The following UPP2 variants were observed in gnomAD, a reference collection of about 807,000 sequenced individuals.
The protein encoded by UPP2 is uridine phosphorylase 2, also known as UPase 2.
UPP2 carries 23 observed loss-of-function variants against 26.7 expected under a neutral mutation model. That is an observed-to-expected ratio of 0.86 (90% CI 0.62 to 1.22). UPP2 has a LOEUF of 1.22. Ranked by LOEUF, UPP2 falls within the 50% of genes most tolerant of loss-of-function variation. The probability of loss-of-function intolerance (pLI) is 0.00; values close to 1 mark genes in which losing one functional copy is unlikely to be tolerated. For synonymous variants in UPP2, 127 were observed against 141.3 expected, an observed-to-expected ratio of 0.90 and a Z score of 0.72; for missense variants, 387 against 396.7, an observed-to-expected ratio of 0.98 and a Z score of 0.21.
chr2:158,060,297 G>T (rs1179266382), intron 3 of UPP2, among the ~76,000 whole-genome samples: 5 of 152,138 alleles, frequency 3.3e-5, no homozygotes, highest in Admixed American at 1.3e-4. Context: ...CTCTACAATA[G>T]GTCTAGTAAT....
chr2:158,023,908 C>G (rs561124873), intron 3 of UPP2, among the ~76,000 whole-genome samples: 3 of 152,300 alleles, frequency 2.0e-5, no homozygotes, highest in African/African-American at 7.2e-5. Flanking sequence ...CTTGAGCTCT[C>G]TTCAGCTCTG....
chr2:158,011,311 G>A (rs572537177), intron 2 of UPP2, among the ~76,000 whole-genome samples: 5 of 152,310 alleles, frequency 3.3e-5, no homozygotes, highest in African/African-American at 1.2e-4. Flanking sequence ...CTGACACAGG[G>A]TTCTGAATGC....
At chr2:158,079,125 T>C (rs1405897506) in intron 3 of UPP2, among the ~76,000 whole-genome samples, 6 of 152,238 alleles carry the variant, frequency 3.9e-5, no homozygotes, top group African/African-American at 1.4e-4. Context: ...GCCATGATTG[T>C]AAGTTTCCTG....
chr2:158,035,604 C>T lies in UPP2; in HGVS notation c.147+19718C>T, dbSNP rs544835648. 3.9e-5 allele frequency among the ~76,000 whole-genome samples: 6 copies of T among 152,270 alleles called. No individual in the cohort carries two copies. In the East Asian group the frequency reaches 5.8e-4, roughly 15 times the overall value. The stretch of plus-strand genomic sequence containing the variant: ...AATTGGGCACCATACCCTACTACTG[C>T]GGCATGGGCTTGTAACCTGAGCTGG... On this transcript the variant is annotated intron_variant, in intron 3 of 9. Coordinates refer to the UPP2 transcript ENST00000605860.
chr2:158,104,961 G>GGAAGGGAAGGGAAGGGAAGA (rs1558932093), intron 1 of UPP2, among the ~76,000 whole-genome samples: 3 of 75,894 alleles, frequency 4.0e-5, no homozygotes, highest in African/African-American at 2.4e-4. Context: ...GGAAGGGAAG[G>GGAAGGGAAGGGAAGGGAAGA]GAAGGGAAGG....
intron 3 of UPP2, among the ~76,000 whole-genome samples, chr2:158,051,404 T>G (rs554282565): frequency 1.3e-5 from 2 of 152,246 alleles, no homozygotes; most frequent in East Asian, 3.9e-4. Context: ...GAGGGTATAT[T>G]GAGGAATATC....
intron 2 of UPP2, among the ~76,000 whole-genome samples, chr2:158,008,723 G>A (rs971038551): frequency 2.0e-5 from 3 of 152,110 alleles, no homozygotes; most frequent in Non-Finnish European, 2.9e-5. Context: ...GTTTGAATAA[G>A]ACCTGTAATC....
At chr2:158,072,813 T>C (rs1682564701) in intron 3 of UPP2, among the ~76,000 whole-genome samples, 1 of 152,194 alleles carries the variant, frequency 6.6e-6, no homozygotes, top group Non-Finnish European at 1.5e-5. Flanking sequence ...TTATTGATCA[T>C]GGGACACAAG....
chr2:158,108,659 C>T lies in UPP2; in HGVS notation c.180+2443C>T, dbSNP rs181139106. On this transcript the variant is annotated intron_variant, in intron 2 of 6. Transcript: ENST00000005756. ...TAGTTGTCTCATCTCGGTTATAATCCCAGGAAACAGACCTTCACGTCTGCC... is the reference window on the plus strand; with the variant it reads ...TAGTTGTCTCATCTCGGTTATAATCTCAGGAAACAGACCTTCACGTCTGCC... Among the ~76,000 whole-genome samples, 107 of 151,914 alleles carry T rather than the reference C, an allele frequency of 7.0e-4. 1 individual carries two copies. In the South Asian group the frequency reaches 0.012, roughly 17 times the overall value.
At chr2:158,062,891 T>C (rs957508761) in intron 3 of UPP2, among the ~76,000 whole-genome samples, 2 of 152,194 alleles carry the variant, frequency 1.3e-5, no homozygotes, top group African/African-American at 2.4e-5. Context: ...GGTGTGAAAC[T>C]TGACTATGCT....
At chr2:158,029,903 T>C (rs1683898684) in intron 3 of UPP2, among the ~76,000 whole-genome samples, 1 of 152,098 alleles carries the variant, frequency 6.6e-6, no homozygotes, top group African/African-American at 2.4e-5. Flanking sequence ...AAAAATGCGT[T>C]TTAGAAAGCA....
intron 3 of UPP2, among the ~76,000 whole-genome samples, chr2:158,048,977 A>G (rs1272060342): frequency 2.6e-5 from 4 of 152,150 alleles, no homozygotes; most frequent in Non-Finnish European, 5.9e-5. Flanking sequence ...TCCTTTCTCC[A>G]CTATGGCATC....
chr2:158,078,864 C>A (rs1682674180), intron 3 of UPP2, among the ~76,000 whole-genome samples: 2 of 152,056 alleles, frequency 1.3e-5, no homozygotes, highest in African/African-American at 4.8e-5. Flanking sequence ...TGTTGCATGT[C>A]TGTACCAAAG....
At chr2:158,001,402 T>A (rs1469447360) in intron 2 of UPP2, among the ~76,000 whole-genome samples, 2 of 152,172 alleles carry the variant, frequency 1.3e-5, no homozygotes, top group African/African-American at 4.8e-5. Context: ...GCAGGGATAT[T>A]CAGCCAGCCT....
intron 3 of UPP2, among the ~76,000 whole-genome samples, chr2:158,030,233 T>C (rs1683903674): frequency 6.6e-6 from 1 of 152,206 alleles, no homozygotes; most frequent in Admixed American, 6.5e-5. Flanking sequence ...AAAATTATTC[T>C]GAAACATGAG....
At chr2:158,060,612 T>C (rs974060068) in intron 3 of UPP2, among the ~76,000 whole-genome samples, 1 of 152,234 alleles carries the variant, frequency 6.6e-6, no homozygotes, top group Non-Finnish European at 1.5e-5. Flanking sequence ...TGCTATGGAC[T>C]AAACTGTGTT....
At chr2:158,030,232 C>T (rs976313235) in intron 3 of UPP2, among the ~76,000 whole-genome samples, 1 of 152,098 alleles carries the variant, frequency 6.6e-6, no homozygotes, top group African/African-American at 2.4e-5. Flanking sequence ...CAAAATTATT[C>T]TGAAACATGA....
chr2:158,078,605 G>T (rs919860686), intron 3 of UPP2, among the ~76,000 whole-genome samples: 2 of 152,094 alleles, frequency 1.3e-5, no homozygotes, highest in Non-Finnish European at 2.9e-5. Context: ...AAGATAGAGA[G>T]TAGAAGATGG....
chr2:158,089,138 T>C (rs1457103076), intron 3 of UPP2, among the ~76,000 whole-genome samples: 1 of 152,038 alleles, frequency 6.6e-6, no homozygotes, highest in African/African-American at 2.4e-5. Context: ...GCTCTGAGTC[T>C]CCTTGTGGGG....
Sources: gnomAD v4.1 joint callset for allele counts (sites outside exome capture counted in the v4.1 genomes callset) on GRCh38, gnomAD v4.1.1 for gene constraint, MANE v1.5 for transcripts, NCBI Gene and HGNC (gene_info 2026-07-23, HGNC 2026-07-21) for gene names.